The following SPPL2A variants were observed in gnomAD, a reference collection of about 807,000 sequenced individuals.
SPPL2A encodes signal peptide peptidase-like 2A.
A neutral mutation model predicts 63.8 loss-of-function variants in SPPL2A; 51 were observed. That is an observed-to-expected ratio of 0.80 (90% CI 0.64 to 1.01). SPPL2A has a LOEUF of 1.01. Ranked by LOEUF, SPPL2A falls within the 50% of genes least tolerant of loss-of-function variation. The pLI is 0.00. For missense variants in SPPL2A, 553 were observed against 622.7 expected (o/e 0.89, Z 1.19); for synonymous variants, 188 against 205.8 (o/e 0.91, Z 0.74).
At chr15:50,722,005 T>C in intron 13 of SPPL2A, 119 bp downstream of exon 13, 1 of 606,702 alleles carries the variant, frequency 1.6e-6, no homozygotes, top group Non-Finnish European at 2.9e-6. Flanking sequence ...CCCAAAGTGC[T>C]AGGACTCCAG....
Position 50,704,472 on chromosome 15 carries a change from A to C in SPPL2A, c.*3328T>G, listed in dbSNP as rs1296282969. The stretch of plus-strand genomic sequence containing the variant: ...CTGAGACAAAAGTAATCTACATTAC[A>C]ATTTGAGATAGTGATTTCTGTTGAT... On this transcript the variant is annotated 3_prime_UTR_variant, in exon 15 of 15. Transcript: ENST00000261854. 1.3e-5 allele frequency: 2 copies of C among 152,146 alleles called. No homozygotes were observed. Among genetic ancestry groups the C allele is most frequent in the South Asian group, 2.1e-4 (1 of 4,834 alleles). 9.4% of individuals were successfully genotyped at this position (152,146 alleles called of 1,614,324 possible).
At chr15:50,726,403 G>C in intron 10 of SPPL2A, 26 bp from the exon 11 acceptor site, 1 of 1,604,692 alleles carries the variant, frequency 6.2e-7, no homozygotes, top group Non-Finnish European at 8.5e-7. Context: ...AAAAGAAGTT[G>C]TCTAATCATT....
At chr15:50,740,427 C>CAA (rs34361362) in intron 5 of SPPL2A, among the ~76,000 whole-genome samples, 59 of 59,874 alleles carry the variant, frequency 9.9e-4, no homozygotes, top group African/African-American at 1.5e-3. Flanking sequence ...AACTCCGTCT[C>CAA]AAAAAAAAAA....
At position 50,722,132 on chromosome 15, in the gene SPPL2A, G is replaced by T; in HGVS notation, c.1319C>A (p.Ser440Tyr). Residue 440 changes from serine to tyrosine, a missense_variant, in exon 13 of 15, where the codon TCT becomes TAT. Coordinates refer to ENST00000261854, the MANE Select transcript of SPPL2A (RefSeq NM_032802.4). Reference protein sequence around the residue: ...TGSSYIYYVSSTVAYAIGMIL... With the variant: ...TGSSYIYYVSYTVAYAIGMIL... The stretch of plus-strand genomic sequence containing the variant: ...GAAAAACAAAAATTTACCAACTGTA[G>T]ACGAAACATAGTATATGTAAGAAGA... 6.4e-7 allele frequency: 1 copy of T among 1,561,992 alleles called. No homozygotes were observed. Among genetic ancestry groups the T allele is most frequent in the South Asian group, 1.1e-5 (1 of 90,044 alleles).
intron 10 of SPPL2A, among the ~76,000 whole-genome samples, chr15:50,729,607 C>T (rs79637137): frequency 0.016 from 2,451 of 151,450 alleles, 75 homozygotes; most frequent in African/African-American, 0.057. Flanking sequence ...GGCGGCAGAC[C>T]GAGACCCAGT....
chr15:50,753,146 T>C (rs1313149873), intron 1 of SPPL2A, among the ~76,000 whole-genome samples: 2 of 152,190 alleles, frequency 1.3e-5, no homozygotes, highest in Non-Finnish European at 2.9e-5. Context: ...GCTAGATCTA[T>C]TTCTAGAAAC....
intron 6 of SPPL2A, among the ~76,000 whole-genome samples, chr15:50,738,244 G>C (rs2062788818): frequency 6.6e-6 from 1 of 151,562 alleles, no homozygotes; most frequent in Non-Finnish European, 1.5e-5. Context: ...CAGGACAAGA[G>C]AAACTGAACA....
At chr15:50,736,010 A>G (rs2141039441) in intron 8 of SPPL2A, 91 bp downstream of exon 8, 6 of 833,172 alleles carry the variant, frequency 7.2e-6, no homozygotes, top group Non-Finnish European at 1.2e-5. Context: ...CATAGAAGCA[A>G]AAAAATTCCA....
rs903790964 is a variant in SPPL2A at position 50,707,219 on chromosome 15, C to G, written c.*581G>C. The stretch of plus-strand genomic sequence containing the variant: ...CTGCAAGCTCCACTTCCCGGGTTCA[C>G]GCCATTCTCCTGTCTCAGCCTTCCC... On this transcript the variant is annotated 3_prime_UTR_variant, in exon 15 of 15. Coordinates refer to ENST00000261854, the MANE Select transcript of SPPL2A (RefSeq NM_032802.4). 1.3e-5 allele frequency: 2 copies of G among 152,160 alleles called. No homozygotes were observed. Among genetic ancestry groups the G allele is most frequent in the Admixed American group, 1.3e-4 (2 of 15,256 alleles). 9.4% of individuals were successfully genotyped at this position (152,160 alleles called of 1,614,324 possible).
chr15:50,762,955 G>A (rs1345053933), intron 1 of SPPL2A, among the ~76,000 whole-genome samples: 1 of 150,578 alleles, frequency 6.6e-6, no homozygotes, highest in South Asian at 2.1e-4. Context: ...ATATTGGCCA[G>A]GCTGGTCTCA....
At chr15:50,746,507 G>A (rs1035091008) in intron 5 of SPPL2A, among the ~76,000 whole-genome samples, 4 of 150,942 alleles carry the variant, frequency 2.7e-5, no homozygotes, top group Non-Finnish European at 4.4e-5. Context: ...ACTAGCTTGC[G>A]GCTAATTATG....
intron 14 of SPPL2A, among the ~76,000 whole-genome samples, chr15:50,713,462 A>T (rs2062576131): frequency 6.6e-6 from 1 of 151,856 alleles, no homozygotes; most frequent in Admixed American, 6.6e-5. Flanking sequence ...ACAGGGTTTT[A>T]CCATATTGGT....
rs2062488138 is a variant in SPPL2A at position 50,703,327 on chromosome 15, T to TATAC, written c.*4472_*4473insGTAT. On this transcript the variant is annotated 3_prime_UTR_variant, in exon 15 of 15. Coordinates refer to ENST00000261854, the MANE Select transcript of SPPL2A (RefSeq NM_032802.4). ...CTAAATAAATTAGTTCATATATACA[T>TATAC]ATATATATATATATATATACATATA... is the stretch of plus-strand genomic sequence containing the variant. 1.2e-5 allele frequency: 1 copy of TATAC among 81,372 alleles called. No individual in the cohort carries two copies. The highest frequency in any genetic ancestry group is 4.7e-4 in the South Asian group (1 of 2,148). 5.0% of individuals were successfully genotyped at this position (81,372 alleles called of 1,614,324 possible).
intron 14 of SPPL2A, among the ~76,000 whole-genome samples, chr15:50,712,682 T>C (rs866938806): frequency 5.7e-4 from 68 of 120,224 alleles, no homozygotes; most frequent in Admixed American, 1.8e-3. Flanking sequence ...CCCCCCCCTT[T>C]TTTTTTTTTT....
chr15:50,745,393 C>T (rs114933492), intron 5 of SPPL2A, among the ~76,000 whole-genome samples: 2,639 of 132,840 alleles, frequency 0.02, 33 homozygotes, highest in African/African-American at 0.04. Flanking sequence ...TGAGATGATC[C>T]GCCTGCCTCA....
At chr15:50,749,450 G>C (rs954237643) in intron 2 of SPPL2A, among the ~76,000 whole-genome samples, 186 bp downstream of exon 2, 1 of 152,092 alleles carries the variant, frequency 6.6e-6, no homozygotes, top group African/African-American at 2.4e-5. Flanking sequence ...ACCACACCCA[G>C]CTAATTTTTG....
intron 14 of SPPL2A, among the ~76,000 whole-genome samples, chr15:50,718,421 TGTAGA>T (rs758851041): frequency 1.1e-4 from 17 of 152,300 alleles, no homozygotes; most frequent in Non-Finnish European, 1.9e-4. Flanking sequence ...TAAAAAATGA[TGTAGA>T]GTACTTTTTG....
chr15:50,731,159 ATATCT>A (rs1596384585), intron 9 of SPPL2A, 120 bp from the exon 10 acceptor site: 2 of 525,276 alleles, frequency 3.8e-6, no homozygotes, highest in African/African-American at 4.0e-5. Flanking sequence ...TTTTAAAAAG[ATATCT>A]TATGGTTAAT....
intron 1 of SPPL2A, among the ~76,000 whole-genome samples, chr15:50,763,942 C>T (rs898418122): frequency 1.3e-5 from 2 of 152,070 alleles, no homozygotes; most frequent in Admixed American, 6.6e-5. Flanking sequence ...AAATCCAGAA[C>T]GTGGGAGACA....
Sources: gnomAD v4.1 joint callset for allele counts (sites outside exome capture counted in the v4.1 genomes callset) on GRCh38, gnomAD v4.1.1 for gene constraint, MANE v1.5 for transcripts, NCBI Gene and HGNC (gene_info 2026-07-23, HGNC 2026-07-21) for gene names.